The following PCDHGA4 variants were observed in gnomAD, a reference collection of about 807,000 sequenced individuals.
PCDHGA4 encodes protocadherin gamma-A4.
Under a neutral mutation model 54.6 loss-of-function variants are expected in PCDHGA4, and 38 were observed. That is an observed-to-expected ratio of 0.70 (90% CI 0.54 to 0.91). PCDHGA4 has a LOEUF of 0.91. PCDHGA4 is among the 40% of genes least tolerant of loss of function. The pLI is 0.00. For missense variants in PCDHGA4, 1,298 were observed against 1,220.9 expected (o/e 1.06, Z -0.94); for synonymous variants, 511 against 512.9 (o/e 1.00, Z 0.05).
Position 141,357,163 on chromosome 5 carries a change from TCG to T in PCDHGA4, c.2057_2058del (p.Ser686CysfsTer19), listed in dbSNP as rs1208679292. ...CCAGGACCATGGCCAGCCCCCTCTCTCGGCCACCGTCACACTCACTGTGGCTG... is the reference window on the plus strand; with the variant it reads ...CCAGGACCATGGCCAGCCCCCTCTCTGCCACCGTCACACTCACTGTGGCTG... ...VVQDHGQPPL[S>X]ATVTLTVAVA... On this transcript the variant is annotated frameshift_variant, in exon 1 of 4. Transcript: ENST00000571252. LOFTEE classifies it high-confidence loss of function. 6.2e-7 allele frequency: 1 copy of T among 1,613,606 alleles called. No homozygotes were observed. Among genetic ancestry groups the T allele is most frequent in the East Asian group, 2.2e-5 (1 of 44,876 alleles).
At position 141,476,097 on chromosome 5, in the gene PCDHGA4, A is replaced by G. The variant is rs1366023758; in HGVS notation, c.2515-18710A>G. 1 of 1,571,812 alleles carries G rather than the reference A, an allele frequency of 6.4e-7. No individual in the cohort carries two copies. Among genetic ancestry groups the G allele is most frequent in the African/African-American group, 1.4e-5 (1 of 73,826 alleles). ...CAGGGACGATCTGGACCCCGCTGAG[A>G]GGAACTGCTTTTGAGTGAGATGGTC... On this transcript the variant is annotated intron_variant, in intron 1 of 3. Coordinates refer to ENST00000571252, the MANE Select transcript of PCDHGA4 (RefSeq NM_018917.4). The surrounding 1 kb of genome is among the most constrained non-coding windows in gnomAD (Gnocchi z 7.6).
intron 1 of PCDHGA4, among the ~76,000 whole-genome samples, chr5:141,453,288 A>AT (rs2098760999): frequency 2.0e-5 from 3 of 151,342 alleles, no homozygotes; most frequent in African/African-American, 7.3e-5. Flanking sequence ...TAATTTTTTA[A>AT]TTATTTATTT....
intron 1 of PCDHGA4, chr5:141,427,017 TAC>T (rs764268354): frequency 2.2e-5 from 10 of 456,792 alleles, no homozygotes; most frequent in South Asian, 1.4e-4. Context: ...CCAGGATGTA[TAC>T]AAAGTCAGCC....
At chr5:141,447,520 T>C (rs1156521785) in intron 1 of PCDHGA4, among the ~76,000 whole-genome samples, 1 of 152,202 alleles carries the variant, frequency 6.6e-6, no homozygotes, top group Non-Finnish European at 1.5e-5. Context: ...ATAACAATCA[T>C]AACAAAATTG....
intron 1 of PCDHGA4, chr5:141,364,204 A>G (rs1763216193): frequency 8.7e-7 from 1 of 1,155,836 alleles, no homozygotes; most frequent in Non-Finnish European, 1.2e-6. Context: ...CAGACCAGAC[A>G]AGCTCCTACG....
chr5:141,459,302 A>G (rs1401348885), intron 1 of PCDHGA4, among the ~76,000 whole-genome samples: 1 of 152,328 alleles, frequency 6.6e-6, no homozygotes, highest in Admixed American at 6.5e-5. Context: ...CCTATAACAT[A>G]TACTATTTTG....
chr5:141,384,770 G>A, intron 1 of PCDHGA4: 3 of 1,613,906 alleles, frequency 1.9e-6, no homozygotes, highest in Non-Finnish European at 2.5e-6. Flanking sequence ...CTGTACACGG[G>A]CGAGGTGCGC....
intron 1 of PCDHGA4, chr5:141,423,653 G>A: frequency 6.3e-7 from 1 of 1,578,174 alleles, no homozygotes. Context: ...GACCCGACAA[G>A]TAATCAGGTG....
intron 1 of PCDHGA4, chr5:141,426,599 A>G (rs1171205143): frequency 2.7e-6 from 1 of 377,348 alleles, no homozygotes; most frequent in Non-Finnish European, 5.4e-6. Flanking sequence ...TCATACCCTT[A>G]GAGATTGTAG....
intron 1 of PCDHGA4, among the ~76,000 whole-genome samples, chr5:141,464,151 G>A (rs2099076865): frequency 6.6e-6 from 1 of 151,818 alleles, no homozygotes; most frequent in Non-Finnish European, 1.5e-5. Flanking sequence ...TGTAGTCCCA[G>A]CTACTTGGAA....
At chr5:141,468,324 C>T (rs1301315098) in intron 1 of PCDHGA4, 1 of 127,722 alleles carries the variant, frequency 7.8e-6, no homozygotes, top group Non-Finnish European at 1.6e-5. Context: ...ACGGTAAACT[C>T]CATCTCAAAA....
At position 141,486,882 on chromosome 5, in the gene PCDHGA4, C is replaced by T; in HGVS notation, c.2515-7925C>T. The T allele has an allele frequency of 6.2e-7, 1 of 1,614,244 alleles. No individual in the cohort carries two copies. The highest frequency in any genetic ancestry group is 1.1e-5 in the South Asian group (1 of 91,086). On this transcript the variant is annotated intron_variant, in intron 1 of 3. Transcript: ENST00000571252. This position sits in a 1 kb window ranked among gnomAD's most constrained non-coding sequence, Gnocchi z 5.0. ...GCTCCAGCTGTGCTCCGTCCTCGGG[C>T]CCGGCCTGGTTCCTTATGTCCCCAA...
intron 1 of PCDHGA4, chr5:141,362,678 T>C: frequency 8.3e-7 from 1 of 1,209,742 alleles, no homozygotes; most frequent in Admixed American, 2.9e-5. Flanking sequence ...GCCTTAATTG[T>C]CTTAATCTTA....
chr5:141,419,939 G>C, intron 1 of PCDHGA4: 6 of 1,614,054 alleles, frequency 3.7e-6, no homozygotes, highest in Admixed American at 1.7e-5. Flanking sequence ...TTACCTGGTG[G>C]TGGCCTTGGC....
chr5:141,438,347 C>T (rs150878327), intron 1 of PCDHGA4, among the ~76,000 whole-genome samples: 7 of 151,730 alleles, frequency 4.6e-5, no homozygotes, highest in Non-Finnish European at 2.9e-5. Flanking sequence ...TAAGGATCTA[C>T]TCTGTGTATT....
At chr5:141,360,167 T>C in intron 1 of PCDHGA4, 1 of 1,607,632 alleles carries the variant, frequency 6.2e-7, no homozygotes, top group East Asian at 2.2e-5. Flanking sequence ...TGCGGGCTGG[T>C]GCGGTGGCTG....
intron 1 of PCDHGA4, chr5:141,417,773 T>C: frequency 6.9e-7 from 1 of 1,458,374 alleles, no homozygotes; most frequent in South Asian, 1.4e-5. Context: ...GGACTCCTCC[T>C]GTCCTGGGCC....
intron 1 of PCDHGA4, among the ~76,000 whole-genome samples, chr5:141,446,182 G>A (rs1411996595): frequency 6.6e-6 from 1 of 152,118 alleles, no homozygotes; most frequent in African/African-American, 2.4e-5. Flanking sequence ...GGGGTGTTTT[G>A]TTTATTATTA....
chr5:141,472,364 AC>A (rs2099278314), intron 1 of PCDHGA4, among the ~76,000 whole-genome samples: 1 of 151,866 alleles, frequency 6.6e-6, no homozygotes, highest in Non-Finnish European at 1.5e-5. Flanking sequence ...ACACGGTGAA[AC>A]CCCGTCTCCA....
Sources: gnomAD v4.1 joint callset for allele counts (sites outside exome capture counted in the v4.1 genomes callset) on GRCh38, gnomAD v4.1.1 for gene constraint, Gnocchi (gnomAD v3.1) non-coding constraint, MANE v1.5 for transcripts, NCBI Gene and HGNC (gene_info 2026-07-23, HGNC 2026-07-21) for gene names.